The following STX2 variants were observed in gnomAD, a reference collection of about 807,000 sequenced individuals.
STX2 encodes the protein syntaxin-2.
Under a neutral mutation model 40.6 loss-of-function variants are expected in STX2, and 27 were observed. That is an observed-to-expected ratio of 0.66 (90% CI 0.49 to 0.92). The LOEUF (loss-of-function observed/expected upper bound fraction) is 0.92, where lower values mean the gene tolerates loss of function less well. Ranked by LOEUF, STX2 falls within the 40% of genes least tolerant of loss-of-function variation. STX2 has a pLI of 0.00. For missense variants in STX2, 328 were observed against 366.1 expected (o/e 0.90, Z 0.85); for synonymous variants, 123 against 119.1 (o/e 1.03, Z -0.22).
chr12:130,807,175 C>T, intron 5 of STX2, 85 bp from the exon 6 acceptor site: 1 of 1,288,232 alleles, frequency 7.8e-7, no homozygotes, highest in Non-Finnish European at 1.1e-6. Flanking sequence ...TTTGGAAACT[C>T]AAACTACATG....
At chr12:130,821,210 G>A (rs1201277562) in intron 3 of STX2, among the ~76,000 whole-genome samples, 3 of 152,136 alleles carry the variant, frequency 2.0e-5, no homozygotes, top group Non-Finnish European at 4.4e-5. Flanking sequence ...AAAGAAAACC[G>A]TTTCTTCCGT....
At chr12:130,806,269 C>T (rs1023400296) in intron 6 of STX2, among the ~76,000 whole-genome samples, 1 of 152,170 alleles carries the variant, frequency 6.6e-6, no homozygotes, top group African/African-American at 2.4e-5. Context: ...CGCTGGCCTG[C>T]CAGGGCTCCG....
Position 130,790,303 on chromosome 12 carries a change from A to G in STX2, c.*1720T>C, listed in dbSNP as rs1053824015. 7 of 152,220 alleles carry G rather than the reference A, an allele frequency of 4.6e-5. No homozygotes were observed. The highest frequency in any genetic ancestry group is 7.3e-5 in the Non-Finnish European group (5 of 68,038). The allele number at this position is 152,220 out of a possible 1,614,324, so 9.4% of individuals were successfully genotyped here. On this transcript the variant is annotated 3_prime_UTR_variant, in exon 11 of 11. Coordinates refer to ENST00000392373, the MANE Select transcript of STX2 (RefSeq NM_194356.4). Reference sequence around the variant, plus strand: ...AGGGACGCGGCTTCTGAGCCATTCAATATTCTCCACACCTGTTTGGAATCA... The same window carrying G: ...AGGGACGCGGCTTCTGAGCCATTCAGTATTCTCCACACCTGTTTGGAATCA...
intron 1 of STX2, 76 bp downstream of exon 1, chr12:130,838,994 G>T: frequency 3.0e-5 from 15 of 495,366 alleles, no homozygotes; most frequent in Non-Finnish European, 4.0e-5. Flanking sequence ...CCCCGCCCAA[G>T]ACGCCCCGAG....
intron 4 of STX2, chr12:130,810,797 C>G (rs781200020): frequency 4.6e-5 from 7 of 151,712 alleles, no homozygotes; most frequent in Non-Finnish European, 7.4e-5. Flanking sequence ...AAAATTATAC[C>G]AGAGAGAGAG....
intron 1 of STX2, among the ~76,000 whole-genome samples, chr12:130,828,128 T>C (rs952386069): frequency 6.6e-6 from 1 of 152,216 alleles, no homozygotes; most frequent in African/African-American, 2.4e-5. Context: ...GGATAAGATA[T>C]TTATCAGTGT....
At chr12:130,818,185 A>AATACATAT (rs1951951834) in intron 3 of STX2, among the ~76,000 whole-genome samples, 5 of 70,588 alleles carry the variant, frequency 7.1e-5, no homozygotes, top group African/African-American at 2.4e-4. Flanking sequence ...AAAAAAAAAA[A>AATACATAT]ATATATATAT....
At chr12:130,831,983 G>A (rs1161174304) in intron 1 of STX2, among the ~76,000 whole-genome samples, 1 of 149,040 alleles carries the variant, frequency 6.7e-6, no homozygotes. Context: ...TGATCCCTTT[G>A]CCTCAGCCTC....
chr12:130,803,129 A>C (rs1403373635), intron 6 of STX2, among the ~76,000 whole-genome samples: 1 of 152,252 alleles, frequency 6.6e-6, no homozygotes. Context: ...TCATTTAATG[A>C]AAAAAGTTTT....
intron 3 of STX2, among the ~76,000 whole-genome samples, chr12:130,819,729 T>C (rs1952040911): frequency 6.6e-6 from 1 of 152,266 alleles, no homozygotes; most frequent in African/African-American, 2.4e-5. Flanking sequence ...CAAATAAATG[T>C]GTGAAACACT....
chr12:130,839,077 A>T lies in STX2; in HGVS notation c.23T>A (p.Leu8Gln). 1 of 1,328,000 alleles carries T rather than the reference A, an allele frequency of 7.5e-7. No homozygotes were observed. The highest frequency in any genetic ancestry group is 9.7e-7 in the Non-Finnish European group (1 of 1,035,810). 82.3% of individuals were successfully genotyped at this position (1,328,000 alleles called of 1,614,324 possible). A position where few individuals can be genotyped will look rare whatever the true frequency, so the allele number is the denominator to read the frequency against. MRDRLPD[L>Q]TACRKNDDGD... ...CCCGCGGCTGCCGCTCACCGCCGTC[A>T]GGTCTGGCAGCCGGTCCCGCATCCC... Residue 8 changes from leucine (L) to glutamine (Q), a missense_variant, in exon 1 of 11, where the codon CTG becomes CAG. Transcript: ENST00000392373.
At chr12:130,795,233 TTCAG>T (rs1950992650) in intron 10 of STX2, among the ~76,000 whole-genome samples, 1 of 152,208 alleles carries the variant, frequency 6.6e-6, no homozygotes, top group South Asian at 2.1e-4. Flanking sequence ...GGATGTTCCT[TTCAG>T]TCAATGTTTT....
At position 130,798,734 on chromosome 12, in the gene STX2, G is replaced by A. The variant is rs888988925; in HGVS notation, c.676-99C>T. 8 of 837,638 alleles carry A rather than the reference G, an allele frequency of 9.6e-6. No homozygotes were observed. In the East Asian group the frequency reaches 2.3e-4, roughly 24 times the overall value. The allele number at this position is 837,638 out of a possible 1,614,324, so 51.9% of individuals were successfully genotyped here. A position where few individuals can be genotyped will look rare whatever the true frequency, so the allele number is the denominator to read the frequency against. On this transcript the variant is annotated intron_variant, in intron 8 of 10. Coordinates refer to ENST00000392373, the MANE Select transcript of STX2 (RefSeq NM_194356.4). Reference sequence around the variant, plus strand: ...AACAAAGGTTTTATATAAACACGATGTGCATGTAATGGATACTGAGGGTTT... The same window carrying A: ...AACAAAGGTTTTATATAAACACGATATGCATGTAATGGATACTGAGGGTTT...
chr12:130,801,505 C>T lies in STX2; in HGVS notation c.464-17G>A. 2.5e-6 allele frequency: 4 copies of T among 1,587,178 alleles called. No individual in the cohort carries two copies. The highest frequency in any genetic ancestry group is 3.4e-6 in the Non-Finnish European group (4 of 1,168,018). On this transcript the variant is annotated splice_polypyrimidine_tract_variant and intron_variant, in intron 6 of 10. Transcript: ENST00000392373. Reference sequence around the variant, plus strand: ...TTCTCCCAGCTGAAAGACCCGCAACCACAGCCCCACTCAGAATGCAGCACA... The same window carrying T: ...TTCTCCCAGCTGAAAGACCCGCAACTACAGCCCCACTCAGAATGCAGCACA...
chr12:130,814,182 C>T (rs1193249338), intron 3 of STX2, among the ~76,000 whole-genome samples: 1 of 151,850 alleles, frequency 6.6e-6, no homozygotes, highest in East Asian at 1.9e-4. Flanking sequence ...GCACCAGTGA[C>T]ACCTACTGAG....
rs889686515 is a variant in STX2, at chr12:130,839,216, G to C, written c.-117C>G. 1.1e-6 allele frequency: 1 copy of C among 927,788 alleles called. No homozygotes were observed. The highest frequency in any genetic ancestry group is 5.0e-5 in the South Asian group (1 of 20,150). 57.5% of individuals were successfully genotyped at this position (927,788 alleles called of 1,614,324 possible). On this transcript the variant is annotated 5_prime_UTR_variant, in exon 1 of 11. Transcript: ENST00000392373. ...CCGCGGTCCCGGCCCGGCGCCAGCAGCCCTCCCTGGAGCCGGCGCTGCCAC... is the reference window on the plus strand; with the variant it reads ...CCGCGGTCCCGGCCCGGCGCCAGCACCCCTCCCTGGAGCCGGCGCTGCCAC...
At position 130,791,934 on chromosome 12, in the gene STX2, A is replaced by C; in HGVS notation, c.*89T>G. ...TGTTGTTGCTAGGATAATTCCAAGG[A>C]TCACAAGCAAAACAATTACACAAAT... On this transcript the variant is annotated 3_prime_UTR_variant, in exon 11 of 11. Coordinates refer to ENST00000392373, the MANE Select transcript of STX2 (RefSeq NM_194356.4). The C allele has an allele frequency of 6.2e-7, 1 of 1,611,266 alleles. No homozygotes were observed. Among genetic ancestry groups the C allele is most frequent in the South Asian group, 1.1e-5 (1 of 90,548 alleles).
intron 3 of STX2, among the ~76,000 whole-genome samples, chr12:130,816,646 C>T (rs1469625818): frequency 3.3e-5 from 5 of 151,858 alleles, no homozygotes; most frequent in East Asian, 3.9e-4. Flanking sequence ...TGTGTAAAGC[C>T]ATTAGAAACC....
At position 130,791,841 on chromosome 12, in the gene STX2, T is replaced by C. The variant is rs1187051870; in HGVS notation, c.*182A>G. 3 of 1,420,918 alleles carry C rather than the reference T, an allele frequency of 2.1e-6. No homozygotes were observed. Among genetic ancestry groups the C allele is most frequent in the Non-Finnish European group, 3.0e-6 (3 of 1,008,862 alleles). The allele number at this position is 1,420,918 out of a possible 1,614,324, so 88.0% of individuals were successfully genotyped here. ...ATTCATTCACGAAATGACAGGATGCTGATTTGGTTGCAGATGTGGTCTGAG... is the reference window on the plus strand; with the variant it reads ...ATTCATTCACGAAATGACAGGATGCCGATTTGGTTGCAGATGTGGTCTGAG... On this transcript the variant is annotated 3_prime_UTR_variant, in exon 11 of 11. Transcript: ENST00000392373.
Sources: gnomAD v4.1 joint callset for allele counts (sites outside exome capture counted in the v4.1 genomes callset) on GRCh38, gnomAD v4.1.1 for gene constraint, MANE v1.5 for transcripts, NCBI Gene and HGNC (gene_info 2026-07-23, HGNC 2026-07-21) for gene names.